The following CFAP300 variants were observed in gnomAD, a reference collection of about 807,000 sequenced individuals.
CFAP300 encodes the protein cilia- and flagella-associated protein 300.
In CFAP300, 32 loss-of-function variants were observed where a neutral mutation model predicts 33.0. That is an observed-to-expected ratio of 0.97 (90% CI 0.73 to 1.30). The LOEUF (loss-of-function observed/expected upper bound fraction) is 1.30, where lower values mean the gene tolerates loss of function less well. CFAP300 is among the 50% of genes most tolerant of loss of function. CFAP300 has a pLI of 0.00. For missense variants in CFAP300, 356 were observed against 318.1 expected, an observed-to-expected ratio of 1.12 and a Z score of -0.90; for synonymous variants, 102 against 106.8, an observed-to-expected ratio of 0.95 and a Z score of 0.28.
rs1411397317 is a variant in CFAP300 at position 102,083,947 on chromosome 11, T to C, written c.*748T>C. On this transcript the variant is annotated 3_prime_UTR_variant, in exon 7 of 7. Coordinates refer to ENST00000434758, the MANE Select transcript of CFAP300 (RefSeq NM_032930.3). ...AAGAGAATCACTTGAACCCGGGAAG[T>C]GAGGTTGCAGTGAGCCGAGGCTGTG... 1.3e-5 allele frequency: 2 copies of C among 151,590 alleles called. No individual in the cohort carries two copies. The highest frequency in any genetic ancestry group is 2.9e-5 in the Non-Finnish European group (2 of 67,978). 9.4% of individuals were successfully genotyped at this position (151,590 alleles called of 1,614,324 possible). A position where few individuals can be genotyped will look rare whatever the true frequency, so the allele number is the denominator to read the frequency against.
At chr11:102,080,803 A>T (rs1942462530) in intron 5 of CFAP300, among the ~76,000 whole-genome samples, 1 of 152,200 alleles carries the variant, frequency 6.6e-6, no homozygotes, top group African/African-American at 2.4e-5. Context: ...AGAAAGGTTA[A>T]TCCTACTCAA....
chr11:102,063,139 C>T (rs1942174393), intron 3 of CFAP300, among the ~76,000 whole-genome samples: 1 of 152,218 alleles, frequency 6.6e-6, no homozygotes, highest in Non-Finnish European at 1.5e-5. Context: ...CCTGTGGAAC[C>T]TTGGAGATTG....
chr11:102,055,007 GTCTC>G (rs1191111875), intron 2 of CFAP300, among the ~76,000 whole-genome samples: 1 of 148,190 alleles, frequency 6.7e-6, no homozygotes, highest in African/African-American at 2.5e-5. Flanking sequence ...TGAAGACAGA[GTCTC>G]TCTCTGTCGC....
At chr11:102,075,006 C>T (rs1363570897) in intron 4 of CFAP300, among the ~76,000 whole-genome samples, 2 of 152,186 alleles carry the variant, frequency 1.3e-5, no homozygotes, top group African/African-American at 2.4e-5. Flanking sequence ...CATGCCCAGC[C>T]TTCACATTCT....
chr11:102,055,374 T>TTTTTTTTTTTTA (rs1942037398), intron 2 of CFAP300, among the ~76,000 whole-genome samples: 1 of 147,752 alleles, frequency 6.8e-6, no homozygotes, highest in African/African-American at 2.5e-5. Context: ...TTTTTTTTTT[T>TTTTTTTTTTTTA]GAGATAGGGT....
At chr11:102,055,359 C>CCCTTTTTTTTTT (rs1942036013) in intron 2 of CFAP300, among the ~76,000 whole-genome samples, 1 of 74,428 alleles carries the variant, frequency 1.3e-5, no homozygotes, top group Non-Finnish European at 2.5e-5. Flanking sequence ...ACATGCGTTA[C>CCCTTTTTTTTTT]TCTTTTTTTT....
chr11:102,081,261 G>T lies in CFAP300; in HGVS notation c.655G>T (p.Val219Phe). The T allele has an allele frequency of 6.2e-7, 1 of 1,611,792 alleles. No homozygotes were observed. Among genetic ancestry groups the T allele is most frequent in the Non-Finnish European group, 8.5e-7 (1 of 1,179,598 alleles). Residue 219 changes from valine to phenylalanine, a missense_variant, in exon 6 of 7, where the codon GTC (valine) becomes TTC (phenylalanine). Coordinates refer to ENST00000434758, the MANE Select transcript of CFAP300 (RefSeq NM_032930.3). ...QTKKIQITSS[V>F]FKVSAYDSAG... ...CAAGAAAATACAGATTACCTCTTCTGTCTTTAAAGTTTCAGCTTATGTAAG... is the reference window on the plus strand; with the variant it reads ...CAAGAAAATACAGATTACCTCTTCTTTCTTTAAAGTTTCAGCTTATGTAAG...
At chr11:102,079,648 T>C (rs1432268879) in intron 5 of CFAP300, among the ~76,000 whole-genome samples, 3 of 152,216 alleles carry the variant, frequency 2.0e-5, no homozygotes, top group East Asian at 3.8e-4. Context: ...CAATTACTTT[T>C]ACATATGTAG....
chr11:102,054,594 T>A (rs547925467), intron 2 of CFAP300, among the ~76,000 whole-genome samples: 2 of 152,022 alleles, frequency 1.3e-5, no homozygotes, highest in South Asian at 4.2e-4. Flanking sequence ...CTGGGTGTGT[T>A]GGCGCACTTC....
At chr11:102,048,029 T>C in intron 2 of CFAP300, 133 bp downstream of exon 2, 1 of 771,408 alleles carries the variant, frequency 1.3e-6, no homozygotes, top group Non-Finnish European at 2.0e-6. Flanking sequence ...TAATAAAAGG[T>C]GCAAATGATT....
At chr11:102,065,017 T>C (rs1271854799) in intron 3 of CFAP300, among the ~76,000 whole-genome samples, 3 of 152,080 alleles carry the variant, frequency 2.0e-5, no homozygotes, top group African/African-American at 7.2e-5. Flanking sequence ...TTTGTGATAA[T>C]TTGATTAGGG....
rs1295666340 is a variant in CFAP300, at chr11:102,066,591, TA to T, written c.376del (p.Ile126LeufsTer5). 9.3e-6 allele frequency: 15 copies of T among 1,610,762 alleles called. No homozygotes were observed. The highest frequency in any genetic ancestry group is 1.2e-5 in the Non-Finnish European group (14 of 1,179,004). ...DEDIVRDSGH[I>X]VKCLDSFCDP... is the part of the protein sequence containing the mutation. ...AAGATATTGTACGAGACAGTGGACA[TA>T]TTGTTAAATGTTTAGATTCTTTTTG... On this transcript the variant is annotated frameshift_variant, in exon 4 of 7. Transcript: ENST00000434758. LOFTEE classifies it high-confidence loss of function.
intron 3 of CFAP300, among the ~76,000 whole-genome samples, chr11:102,061,895 T>TATATGTATATATACATAA (rs1942154529): frequency 6.6e-6 from 1 of 152,230 alleles, no homozygotes; most frequent in Non-Finnish European, 1.5e-5. Flanking sequence ...GCATTACATG[T>TATATGTATATATACATAA]CTTATAAATG....
chr11:102,068,943 T>G (rs1456745550), intron 4 of CFAP300, among the ~76,000 whole-genome samples: 1 of 152,222 alleles, frequency 6.6e-6, no homozygotes, highest in African/African-American at 2.4e-5. Flanking sequence ...CTCTTCTCTC[T>G]CACACTTCTT....
chr11:102,077,101 C>CACAT (rs1011681276), intron 5 of CFAP300, among the ~76,000 whole-genome samples: 3 of 152,096 alleles, frequency 2.0e-5, no homozygotes, highest in Admixed American at 1.3e-4. Context: ...CACACACACA[C>CACAT]GCACTCATGC....
intron 4 of CFAP300, among the ~76,000 whole-genome samples, chr11:102,072,602 C>T (rs990311252): frequency 6.6e-6 from 1 of 151,930 alleles, no homozygotes; most frequent in African/African-American, 2.4e-5. Flanking sequence ...CATGCCTGGC[C>T]ATATCATTAT....
intron 4 of CFAP300, among the ~76,000 whole-genome samples, chr11:102,073,441 G>C (rs1422856813): frequency 1.3e-5 from 2 of 152,176 alleles, no homozygotes; most frequent in Non-Finnish European, 2.9e-5. Context: ...GGGTGTGCTT[G>C]GGCACTGGAT....
chr11:102,055,774 T>A (rs1384024952), intron 2 of CFAP300, among the ~76,000 whole-genome samples: 2 of 141,446 alleles, frequency 1.4e-5, no homozygotes, highest in East Asian at 2.2e-4. Context: ...CCGGGTTCAC[T>A]CCATTCTCCT....
In CFAP300 at chr11:102,047,448, G is replaced by T; in HGVS notation, c.-23G>T. ...CCGCGTCTCCATGGAAACGGCCCAG[G>T]CATCCACCCAGCCGAGAGCACGATG... On this transcript the variant is annotated 5_prime_UTR_variant, in exon 1 of 7. Transcript: ENST00000434758. The T allele has an allele frequency of 6.5e-7, 1 of 1,526,828 alleles. No individual in the cohort carries two copies. Among genetic ancestry groups the T allele is most frequent in the Non-Finnish European group, 8.8e-7 (1 of 1,138,572 alleles). The allele number at this position is 1,526,828 out of a possible 1,614,324, so 94.6% of individuals were successfully genotyped here. A position where few individuals can be genotyped will look rare whatever the true frequency, so the allele number is the denominator to read the frequency against.
Sources: gnomAD v4.1 joint callset for allele counts (sites outside exome capture counted in the v4.1 genomes callset) on GRCh38, gnomAD v4.1.1 for gene constraint, MANE v1.5 for transcripts, NCBI Gene and HGNC (gene_info 2026-07-23, HGNC 2026-07-21) for gene names.